The following PPP2R2C variants were observed in gnomAD, a reference collection of about 807,000 sequenced individuals.
PPP2R2C encodes the protein protein phosphatase 2, regulatory subunit B, gamma.
In PPP2R2C, 10 loss-of-function variants were observed where a neutral mutation model predicts 45.3. That is an observed-to-expected ratio of 0.22 (90% confidence interval 0.14 to 0.37). The LOEUF (loss-of-function observed/expected upper bound fraction) is 0.37, where lower values mean the gene tolerates loss of function less well. Ranked by LOEUF, PPP2R2C falls within the 10% of genes least tolerant of loss-of-function variation. The pLI is 1.00. For synonymous variants in PPP2R2C, 257 were observed against 245.4 expected (o/e 1.05, Z -0.44); for missense variants, 308 against 619.7 (o/e 0.50, Z 5.34).
At chr4:6,543,364 T>C (rs1450292134) in intron 1 of PPP2R2C, among the ~76,000 whole-genome samples, 1 of 151,806 alleles carries the variant, frequency 6.6e-6, no homozygotes, top group Non-Finnish European at 1.5e-5. Context: ...CTGCCTCCTA[T>C]GGGCCAACCA....
At chr4:6,390,143 G>A (rs939243255) in intron 1 of PPP2R2C, among the ~76,000 whole-genome samples, 1 of 152,156 alleles carries the variant, frequency 6.6e-6, no homozygotes, top group South Asian at 2.1e-4. Context: ...GTACTTCCAG[G>A]GGACAGGGGA....
At chr4:6,338,225 C>T (rs1214358003) in intron 6 of PPP2R2C, among the ~76,000 whole-genome samples, 1 of 152,244 alleles carries the variant, frequency 6.6e-6, no homozygotes, top group Non-Finnish European at 1.5e-5. Flanking sequence ...CACTCCCCCA[C>T]ACCCTAATTA....
intron 5 of PPP2R2C, among the ~76,000 whole-genome samples, chr4:6,365,036 CA>C (rs983816008): frequency 6.6e-6 from 1 of 152,264 alleles, no homozygotes; most frequent in Admixed American, 6.5e-5. Context: ...AACTGAAAAA[CA>C]AAAAAGTCCC....
At chr4:6,355,697 G>C (rs776379525) in intron 5 of PPP2R2C, among the ~76,000 whole-genome samples, 1 of 152,046 alleles carries the variant, frequency 6.6e-6, no homozygotes, top group Non-Finnish European at 1.5e-5. Context: ...ACAAACGCAA[G>C]AGTGCTGTGC....
intron 2 of PPP2R2C, among the ~76,000 whole-genome samples, chr4:6,482,083 C>T (rs555166464): frequency 6.6e-6 from 1 of 151,240 alleles, no homozygotes; most frequent in African/African-American, 2.4e-5. Flanking sequence ...AGACACCTTT[C>T]TGATATTGAA....
At chr4:6,557,572 GC>G (rs1002454733) in intron 1 of PPP2R2C, among the ~76,000 whole-genome samples, 7 of 152,198 alleles carry the variant, frequency 4.6e-5, no homozygotes, top group African/African-American at 1.7e-4. Flanking sequence ...AGAGGGAATA[GC>G]AGGGGCAAAG....
chr4:6,366,012 T>C (rs928476797), intron 5 of PPP2R2C, among the ~76,000 whole-genome samples: 9 of 152,220 alleles, frequency 5.9e-5, no homozygotes, highest in African/African-American at 2.2e-4. Context: ...CGCGAGAGGT[T>C]GCTTAAACAG....
At chr4:6,435,391 T>C (rs1332989823) in intron 1 of PPP2R2C, among the ~76,000 whole-genome samples, 2 of 152,256 alleles carry the variant, frequency 1.3e-5, no homozygotes, top group Non-Finnish European at 2.9e-5. Flanking sequence ...AGTTCTTGTA[T>C]CTCAACTTTA....
At chr4:6,430,697 G>T (rs1352769964) in intron 1 of PPP2R2C, among the ~76,000 whole-genome samples, 3 of 152,130 alleles carry the variant, frequency 2.0e-5, no homozygotes, top group Non-Finnish European at 4.4e-5. Flanking sequence ...GGCCAAGGCG[G>T]GTGGATCACA....
intron 1 of PPP2R2C, among the ~76,000 whole-genome samples, chr4:6,537,771 C>T (rs554140136): frequency 2.6e-5 from 4 of 152,210 alleles, no homozygotes; most frequent in East Asian, 1.9e-4. Context: ...AGGATGGTCT[C>T]GGTCTCCTGA....
chr4:6,537,151 C>G (rs945190005), intron 1 of PPP2R2C, among the ~76,000 whole-genome samples: 9 of 151,848 alleles, frequency 5.9e-5, no homozygotes, highest in Non-Finnish European at 1.0e-4. Context: ...CACAGTGAGC[C>G]GAGATCGCTG....
At chr4:6,554,951 GAAAGAAAGAAAGAAAGAGAA>G (rs1725328424) in intron 1 of PPP2R2C, among the ~76,000 whole-genome samples, 2 of 137,512 alleles carry the variant, frequency 1.5e-5, no homozygotes, top group Admixed American at 7.4e-5. Flanking sequence ...AAGAAAGAAA[GAAAGAAAGAAAGAAAGAGAA>G]AGAAAGAAAA....
chr4:6,507,241 G>T (rs1723268001), intron 2 of PPP2R2C, among the ~76,000 whole-genome samples: 1 of 152,210 alleles, frequency 6.6e-6, no homozygotes, highest in Non-Finnish European at 1.5e-5. Flanking sequence ...CAAGGATGAG[G>T]CCTGAGCCTC....
In PPP2R2C at chr4:6,361,408, G is replaced by C. The variant is rs746472554; in HGVS notation, c.625+11115C>G. On this transcript the variant is annotated intron_variant, in intron 5 of 8. Transcript: ENST00000382599. The stretch of plus-strand genomic sequence containing the variant: ...TTCTGAATCACAAAACCCAGAGCTT[G>C]AAAGTCCAGCCCCACTGCCTAACAT... 1.3e-4 allele frequency among the ~76,000 whole-genome samples: 20 copies of C among 152,354 alleles called. 1 individual carries two copies. The highest frequency in any genetic ancestry group is 2.5e-4 in the Non-Finnish European group (17 of 68,032).
intron 1 of PPP2R2C, among the ~76,000 whole-genome samples, chr4:6,547,262 C>T (rs1330815456): frequency 1.3e-5 from 2 of 151,958 alleles, no homozygotes; most frequent in Non-Finnish European, 2.9e-5. Context: ...ATGGGCACTT[C>T]CTTACATAAC....
chr4:6,558,335 A>G (rs1725478211), intron 1 of PPP2R2C, among the ~76,000 whole-genome samples: 1 of 152,206 alleles, frequency 6.6e-6, no homozygotes, highest in Admixed American at 6.5e-5. Flanking sequence ...TGGGAGAGCC[A>G]TCCATGGGGA....
In PPP2R2C at chr4:6,322,298, T is replaced by C. The variant is rs1424088582; in HGVS notation, c.*1004A>G. The C allele has an allele frequency of 6.6e-6, 1 of 152,132 alleles. No homozygotes were observed. Among genetic ancestry groups the C allele is most frequent in the Non-Finnish European group, 1.5e-5 (1 of 68,046 alleles). 9.4% of individuals were successfully genotyped at this position (152,132 alleles called of 1,614,324 possible). ...TGTGCATCCGCTCAGAGCCTCAGCT[T>C]CTTCTCGTGGACAGAGGGGATCCTA... On this transcript the variant is annotated 3_prime_UTR_variant, in exon 9 of 9. Transcript: ENST00000382599. This position sits in a 1 kb window ranked among gnomAD's most constrained non-coding sequence, Gnocchi z 7.8.
At chr4:6,385,105 G>A (rs1307668885) in intron 1 of PPP2R2C, among the ~76,000 whole-genome samples, 1 of 152,182 alleles carries the variant, frequency 6.6e-6, no homozygotes, top group Non-Finnish European at 1.5e-5. Context: ...GGTCACCTGT[G>A]CTCCTGGCTG....
intron 2 of PPP2R2C, among the ~76,000 whole-genome samples, chr4:6,532,554 G>A (rs761643729): frequency 2.6e-5 from 4 of 152,200 alleles, no homozygotes; most frequent in Non-Finnish European, 4.4e-5. Flanking sequence ...AGAAAAGCGG[G>A]ATTTGCCTTC....
Sources: gnomAD v4.1 joint callset for allele counts (sites outside exome capture counted in the v4.1 genomes callset) on GRCh38, gnomAD v4.1.1 for gene constraint, Gnocchi (gnomAD v3.1) non-coding constraint, MANE v1.5 for transcripts, NCBI Gene and HGNC (gene_info 2026-07-23, HGNC 2026-07-21) for gene names.